DNAH3: variants seen among roughly 807,000 people sequenced by gnomAD.
DNAH3 encodes axonemal beta dynein heavy chain 3.
A neutral mutation model predicts 432.5 loss-of-function variants in DNAH3; 332 were observed. That is an observed-to-expected ratio of 0.77 (90% CI 0.70 to 0.84). The LOEUF is 0.84. DNAH3 is among the 40% of genes least tolerant of loss of function. The pLI is 0.00. For missense variants in DNAH3, 4,861 were observed against 5,114.0 expected, an observed-to-expected ratio of 0.95 and a Z score of 1.51; for synonymous variants, 1,956 against 1,900.2, an observed-to-expected ratio of 1.03 and a Z score of -0.76.
chr16:21,005,104 T>A (rs2087210726), intron 41 of DNAH3, among the ~76,000 whole-genome samples: 1 of 152,196 alleles, frequency 6.6e-6, no homozygotes, highest in Non-Finnish European at 1.5e-5. Context: ...TTTTAATTCA[T>A]CTCTTAGTTG....
At chr16:20,989,759 G>A (rs897564425) in intron 44 of DNAH3, among the ~76,000 whole-genome samples, 23 of 152,254 alleles carry the variant, frequency 1.5e-4, no homozygotes, top group African/African-American at 5.3e-4. Context: ...CTCAGGCATG[G>A]CGGGCTGCAG....
chr16:21,133,598 G>T (rs2092600651), intron 7 of DNAH3, among the ~76,000 whole-genome samples: 1 of 151,926 alleles, frequency 6.6e-6, no homozygotes, highest in Non-Finnish European at 1.5e-5. Context: ...AAATTAGCCA[G>T]GCATGGTGGC....
chr16:21,081,280 C>T (rs2152773549), intron 20 of DNAH3, among the ~76,000 whole-genome samples: 1 of 151,600 alleles, frequency 6.6e-6, no homozygotes. Context: ...ACGGTTGTTG[C>T]TTTGTTTGTT....
At chr16:21,038,516 C>T (rs1331331617) in intron 33 of DNAH3, among the ~76,000 whole-genome samples, 3 of 152,078 alleles carry the variant, frequency 2.0e-5, no homozygotes, top group Admixed American at 6.6e-5. Flanking sequence ...AGATTGGCTG[C>T]GTTCAGTGTG....
Position 20,966,014 on chromosome 16 carries a change from A to ATTTTTTTTTT in DNAH3, c.8459-599_8459-590dup, listed in dbSNP as rs555983378. Among the ~76,000 whole-genome samples, 41 of 48,388 alleles carry ATTTTTTTTTT rather than the reference A, an allele frequency of 8.5e-4. 3 individuals are homozygous for ATTTTTTTTTT. The highest frequency in any genetic ancestry group is 2.9e-3 in the African/African-American group (35 of 12,156). 31.7% of individuals were successfully genotyped at this position (48,388 alleles called of 152,430 possible). A position where few individuals can be genotyped will look rare whatever the true frequency, so the allele number is the denominator to read the frequency against. On this transcript the variant is annotated intron_variant, in intron 52 of 61. Coordinates refer to ENST00000261383, the Ensembl canonical transcript of DNAH3. ...AGGCCTGAGCCACCATGCCCAGCCA[A>ATTTTTTTTTT]TTTTTTTTTTTTTTTTTTTTTTTTT... is the stretch of plus-strand genomic sequence containing the variant.
chr16:21,019,742 G>A (rs778967406), exon 41 of DNAH3: 6 of 1,614,134 alleles, frequency 3.7e-6, no homozygotes, highest in South Asian at 3.3e-5. Context: ...TGCTGTCTGC[G>A]TTGATGGTGC....
Position 20,986,365 on chromosome 16 carries a change from G to T in DNAH3, c.7027-650C>A, listed in dbSNP as rs9941248. ...ACAATAAAATAAGAAAAAATTAACT[G>T]GGCATCGTGGTGCACACCTGTAATC... On this transcript the variant is annotated intron_variant, in intron 47 of 61. Transcript: ENST00000261383. Among the ~76,000 whole-genome samples, 928 of 151,870 alleles carry T rather than the reference G, an allele frequency of 6.1e-3. 13 individuals are homozygous for T. The highest frequency in any genetic ancestry group is 0.021 in the African/African-American group (884 of 41,438).
chr16:20,971,721 G>T (rs1417839331), intron 51 of DNAH3, among the ~76,000 whole-genome samples: 2 of 152,136 alleles, frequency 1.3e-5, no homozygotes, highest in African/African-American at 2.4e-5. Flanking sequence ...CCAACAAGTC[G>T]CTGTTTGGCC....
exon 1 of DNAH3, chr16:21,159,429 C>T (rs1375814513): frequency 6.2e-7 from 1 of 1,613,946 alleles, no homozygotes; most frequent in Non-Finnish European, 8.5e-7. Context: ...TCGAGGCGCC[C>T]TGTAGCTCCC....
intron 15 of DNAH3, 58 bp from the exon 16 acceptor site, chr16:21,104,652 G>T: frequency 9.8e-7 from 1 of 1,020,424 alleles, no homozygotes; most frequent in South Asian, 1.3e-5. Flanking sequence ...GGGTCAGCAT[G>T]TGGCGAATTA....
intron 57 of DNAH3, among the ~76,000 whole-genome samples, chr16:20,946,141 C>T (rs969740972): frequency 2.6e-5 from 4 of 152,142 alleles, no homozygotes; most frequent in African/African-American, 7.2e-5. Flanking sequence ...TCCAGCATTA[C>T]CATCAACACA....
chr16:21,054,386 A>G (rs757052170), intron 28 of DNAH3, 34 bp downstream of exon 28: 7 of 1,469,908 alleles, frequency 4.8e-6, no homozygotes, highest in Non-Finnish European at 5.7e-6. Context: ...TCTCCTGGAT[A>G]GTCAGTAATG....
At chr16:21,070,713 G>A in exon 22 of DNAH3, 3 of 1,599,734 alleles carry the variant, frequency 1.9e-6, no homozygotes, top group Non-Finnish European at 2.6e-6. Context: ...CTCTTACCCG[G>A]CATTCTGCTT....
chr16:21,063,261 G>A (rs1158722552), intron 24 of DNAH3, among the ~76,000 whole-genome samples: 1 of 152,064 alleles, frequency 6.6e-6, no homozygotes, highest in Non-Finnish European at 1.5e-5. Context: ...CTGGGAGTGC[G>A]GCTGATGAAA....
rs1567550686 is a variant in DNAH3 at position 20,969,291 on chromosome 16, CATGTGTGTGT to C, written c.8458+491_8458+500del. Among the ~76,000 whole-genome samples the C allele has an allele frequency of 5.6e-5, 8 of 143,130 alleles. No individual in the cohort carries two copies. In the East Asian group the frequency reaches 1.7e-3, roughly 31 times the overall value. 93.9% of individuals were successfully genotyped at this position (143,130 alleles called of 152,430 possible). On this transcript the variant is annotated intron_variant, in intron 52 of 61. Transcript: ENST00000261383. ...GTCTCTGTGTGCATGCATGTGTGTGCATGTGTGTGTGTGTGTGCATGCATGCATGCGTGTA... is the reference window on the plus strand; with the variant it reads ...GTCTCTGTGTGCATGCATGTGTGTGCGTGTGTGCATGCATGCATGCGTGTA...
intron 50 of DNAH3, among the ~76,000 whole-genome samples, chr16:20,975,908 C>T (rs548677854): frequency 6.6e-6 from 1 of 152,194 alleles, no homozygotes; most frequent in East Asian, 1.9e-4. Context: ...CCACGCCTGG[C>T]TAATTTTTAT....
At chr16:21,009,805 ACT>A in intron 41 of DNAH3, among the ~76,000 whole-genome samples, 1 of 151,892 alleles carries the variant, frequency 6.6e-6, no homozygotes, top group African/African-American at 2.4e-5. Flanking sequence ...GGCCTGGGGC[ACT>A]AAGACTGCAG....
exon 53 of DNAH3, chr16:20,964,090 G>A (rs1032548515): frequency 1.2e-6 from 2 of 1,614,204 alleles, no homozygotes; most frequent in East Asian, 2.2e-5. Context: ...CACTTTGGAG[G>A]AGGACAGAAC....
chr16:21,027,631 G>C (rs1015226022), intron 37 of DNAH3, among the ~76,000 whole-genome samples: 1 of 152,206 alleles, frequency 6.6e-6, no homozygotes, highest in African/African-American at 2.4e-5. Context: ...CTTGAGGTCA[G>C]GAGTTCAAGA....
Sources: gnomAD v4.1 joint callset for allele counts (sites outside exome capture counted in the v4.1 genomes callset) on GRCh38, gnomAD v4.1.1 for gene constraint, MANE v1.5 for transcripts, NCBI Gene and HGNC (gene_info 2026-07-23, HGNC 2026-07-21) for gene names.